COMMD1: variants seen among roughly 807,000 people sequenced by gnomAD.
The protein encoded by COMMD1 is copper metabolism domain containing 1.
A neutral mutation model predicts 17.2 loss-of-function variants in COMMD1; 10 were observed. The ratio of observed to expected loss-of-function variants is 0.58; its 90% CI spans 0.36 to 0.99. The LOEUF is 0.99. Ranked by LOEUF, COMMD1 falls within the 50% of genes least tolerant of loss-of-function variation. The pLI is 0.01. For synonymous variants in COMMD1, 97 were observed against 91.6 expected, an observed-to-expected ratio of 1.06 and a Z score of -0.34; for missense variants, 270 against 231.8, an observed-to-expected ratio of 1.17 and a Z score of -1.07.
chr2:62,043,576 A>G (rs1670297610), intron 2 of COMMD1, among the ~76,000 whole-genome samples: 1 of 152,220 alleles, frequency 6.6e-6, no homozygotes, highest in Non-Finnish European at 1.5e-5. Flanking sequence ...ATCAGGTGTT[A>G]GGAGAGGCAA....
chr2:61,979,070 AT>A (rs70946772), intron 1 of COMMD1, among the ~76,000 whole-genome samples: 21,641 of 151,958 alleles, frequency 0.14, 1,675 homozygotes, highest in East Asian at 0.22. Flanking sequence ...TTCTTTCTAT[AT>A]TTTTGTACCC....
chr2:62,014,542 CTTTTTTTTTTTTTTTTTT>C (rs67886279), intron 2 of COMMD1, among the ~76,000 whole-genome samples: 18 of 63,570 alleles, frequency 2.8e-4, no homozygotes, highest in African/African-American at 1.1e-3. Context: ...CCATTTTAAC[CTTTTTTTTTTTTTTTTTT>C]TTTTTTTTTT....
chr2:62,098,259 C>T (rs1260858958), intron 2 of COMMD1, among the ~76,000 whole-genome samples: 1 of 150,420 alleles, frequency 6.6e-6, no homozygotes, highest in Non-Finnish European at 1.5e-5. Flanking sequence ...TGGGTTCAAG[C>T]AAGATTCTCC....
rs900684066 is a variant in COMMD1, at chr2:61,956,413, T to G, written c.181-44288T>G. Among the ~76,000 whole-genome samples the G allele has an allele frequency of 2.1e-5, 3 of 145,730 alleles. No individual in the cohort carries two copies. The South Asian group carries it at 6.4e-4, about 31-fold the overall frequency. On this transcript the variant is annotated intron_variant, in intron 1 of 2. Coordinates refer to ENST00000311832, the MANE Select transcript of COMMD1 (RefSeq NM_152516.4). ...ACCTCAAAATTAATTCCTTGTAAAA[T>G]TTTTTTTTTTTTTGGAGATGGAGTC...
chr2:61,969,122 CT>C, intron 1 of COMMD1: 1 of 337,210 alleles, frequency 3.0e-6, no homozygotes, highest in South Asian at 2.2e-5. Flanking sequence ...CCACATCTGG[CT>C]TTTATATGTA....
intron 1 of COMMD1, among the ~76,000 whole-genome samples, chr2:61,899,409 A>G (rs1310737597): frequency 1.3e-5 from 2 of 152,150 alleles, no homozygotes; most frequent in Non-Finnish European, 1.5e-5. Context: ...GTTCATCCTA[A>G]TATAAAAGCA....
intron 1 of COMMD1, among the ~76,000 whole-genome samples, chr2:61,895,887 G>A (rs1558513328): frequency 1.3e-5 from 2 of 152,088 alleles, no homozygotes; most frequent in African/African-American, 4.8e-5. Flanking sequence ...GGTCCTAGGG[G>A]CAGTCCAGTC....
At chr2:61,931,314 A>C (rs1412252625) in intron 1 of COMMD1, among the ~76,000 whole-genome samples, 1 of 152,172 alleles carries the variant, frequency 6.6e-6, no homozygotes, top group African/African-American at 2.4e-5. Flanking sequence ...CTTGTCTCAA[A>C]AAAATAAATA....
chr2:61,976,970 A>G (rs947945464), intron 1 of COMMD1, among the ~76,000 whole-genome samples: 2 of 151,766 alleles, frequency 1.3e-5, no homozygotes, highest in African/African-American at 4.8e-5. Context: ...CTGGGATTAC[A>G]GGTGCGTACC....
chr2:61,987,467 A>G (rs990422978), intron 1 of COMMD1, among the ~76,000 whole-genome samples: 1 of 152,140 alleles, frequency 6.6e-6, no homozygotes, highest in Admixed American at 6.5e-5. Flanking sequence ...GGTCTTGGAT[A>G]AGATCTGGAA....
intron 2 of COMMD1, among the ~76,000 whole-genome samples, chr2:62,119,345 C>G (rs1672683811): frequency 6.6e-6 from 1 of 152,138 alleles, no homozygotes; most frequent in African/African-American, 2.4e-5. Flanking sequence ...GCAACCCTAG[C>G]AAACTAATAC....
chr2:61,994,673 C>T (rs1231868507), intron 1 of COMMD1, among the ~76,000 whole-genome samples: 2 of 152,112 alleles, frequency 1.3e-5, no homozygotes, highest in East Asian at 3.9e-4. Context: ...GGAAGGCCTG[C>T]AGGAACTAGG....
intron 1 of COMMD1, among the ~76,000 whole-genome samples, chr2:61,965,700 GT>G (rs1558540130): frequency 6.6e-6 from 1 of 152,198 alleles, no homozygotes; most frequent in African/African-American, 2.4e-5. Flanking sequence ...GCTGCCAGGG[GT>G]TGAGTTATCA....
At chr2:62,097,684 G>A (rs1047063484) in intron 2 of COMMD1, among the ~76,000 whole-genome samples, 5 of 152,080 alleles carry the variant, frequency 3.3e-5, no homozygotes, top group Admixed American at 6.5e-5. Flanking sequence ...AAATTGAAAG[G>A]GATTTGATTT....
chr2:61,931,623 T>C (rs1670469431), intron 1 of COMMD1, among the ~76,000 whole-genome samples: 2 of 152,246 alleles, frequency 1.3e-5, no homozygotes, highest in Non-Finnish European at 2.9e-5. Context: ...TGAGTTCATT[T>C]CAGGTGTTGG....
chr2:61,994,163 T>C (rs1356551801), intron 1 of COMMD1, among the ~76,000 whole-genome samples: 1 of 152,056 alleles, frequency 6.6e-6, no homozygotes, highest in Non-Finnish European at 1.5e-5. Context: ...ATTTTTGTAT[T>C]GTTAGTGGAG....
intron 1 of COMMD1, among the ~76,000 whole-genome samples, chr2:61,950,425 G>A (rs1671021300): frequency 6.6e-6 from 1 of 152,206 alleles, no homozygotes; most frequent in Admixed American, 6.5e-5. Context: ...GCTCAGTGAT[G>A]AGTAATTCAC....
chr2:62,078,082 T>C (rs1461720879), intron 2 of COMMD1, among the ~76,000 whole-genome samples: 1 of 151,882 alleles, frequency 6.6e-6, no homozygotes, highest in Non-Finnish European at 1.5e-5. Context: ...GAGACTATCC[T>C]GACTAACACG....
In COMMD1 at chr2:61,893,535, C is replaced by T. The variant is rs549966671; in HGVS notation, n.119+4693C>T. On this transcript the variant is annotated intron_variant and non_coding_transcript_variant, in intron 1 of 2. Transcript: ENST00000472729. ...TGTAGTACTAACAAGAGTTACAGGCCGGGCGCCTTGGCTCACGCCTGTAAT... is the reference window on the plus strand; with the variant it reads ...TGTAGTACTAACAAGAGTTACAGGCTGGGCGCCTTGGCTCACGCCTGTAAT... 1.1e-4 allele frequency among the ~76,000 whole-genome samples: 17 copies of T among 152,146 alleles called. 1 individual carries two copies. The highest frequency in any genetic ancestry group is 8.3e-4 in the South Asian group (4 of 4,828).
Sources: allele counts gnomAD v4.1 joint callset (sites outside exome capture counted in the v4.1 genomes callset), GRCh38; gene constraint gnomAD v4.1.1; transcripts MANE v1.5; gene names NCBI Gene and HGNC (gene_info 2026-07-23, HGNC 2026-07-21).